Variants in CEP112 observed in about 807,000 individuals in gnomAD.
CEP112 encodes centrosomal protein of 112 kDa.
In CEP112, 127 loss-of-function variants were observed where a neutral mutation model predicts 153.0. The observed-to-expected ratio is 0.83, with a 90% CI of 0.72 to 0.96. CEP112 has a LOEUF of 0.96. CEP112 is among the 40% of genes least tolerant of loss of function. The pLI is 0.00. For missense variants in CEP112, 1,089 were observed against 1,101.2 expected (o/e 0.99, Z 0.16); for synonymous variants, 358 against 374.4 (o/e 0.96, Z 0.51).
chr17:65,702,206 G>A (rs1180785737), intron 23 of CEP112, among the ~76,000 whole-genome samples: 5 of 151,992 alleles, frequency 3.3e-5, no homozygotes, highest in African/African-American at 7.3e-5. Context: ...TCCACTCTAC[G>A]TCCTGATTTC....
chr17:66,043,338 C>T lies in CEP112; in HGVS notation c.1218+10398G>A, dbSNP rs947426795. Among the ~76,000 whole-genome samples, 5 of 152,140 alleles carry T rather than the reference C, an allele frequency of 3.3e-5. 1 individual carries two copies. The highest frequency in any genetic ancestry group is 7.2e-5 in the African/African-American group (3 of 41,442). ...CATTGTTTACCCTCATTAGAAATTACTATCATGCCTACTGCTAGATTTTGA... is the reference window on the plus strand; with the variant it reads ...CATTGTTTACCCTCATTAGAAATTATTATCATGCCTACTGCTAGATTTTGA... On this transcript the variant is annotated intron_variant, in intron 12 of 26. Coordinates refer to ENST00000535342, the MANE Select transcript of CEP112 (RefSeq NM_001199165.4).
At chr17:66,117,829 C>T (rs2069372336) in intron 6 of CEP112, among the ~76,000 whole-genome samples, 1 of 152,032 alleles carries the variant, frequency 6.6e-6, no homozygotes, top group Admixed American at 6.6e-5. Context: ...GGGAAAATCC[C>T]TCATTTTTAA....
At chr17:65,836,169 G>A (rs558269021) in intron 21 of CEP112, among the ~76,000 whole-genome samples, 1 of 152,022 alleles carries the variant, frequency 6.6e-6, no homozygotes, top group Admixed American at 6.6e-5. Context: ...GCATAGAATC[G>A]AAACATACTA....
intron 22 of CEP112, among the ~76,000 whole-genome samples, chr17:65,748,836 G>A (rs1175091181): frequency 6.6e-6 from 1 of 152,032 alleles, no homozygotes; most frequent in Non-Finnish European, 1.5e-5. Context: ...AACTAATCAG[G>A]CTTCTTCATA....
chr17:66,158,071 T>C (rs2071526413), intron 4 of CEP112, among the ~76,000 whole-genome samples: 1 of 152,074 alleles, frequency 6.6e-6, no homozygotes, highest in South Asian at 2.1e-4. Context: ...CCACCCCAAA[T>C]CAACAGAATA....
chr17:66,053,811 A>T lies in CEP112; in HGVS notation c.1143T>A (p.Ile381=). 6.2e-7 allele frequency: 1 copy of T among 1,612,944 alleles called. No homozygotes were observed. Residue 381 remains isoleucine (I), a synonymous_variant, in exon 12 of 27, where the codon ATT becomes ATA. Transcript: ENST00000535342. ...CATTTGTATCCTCAAGCAATTCTTGAATGTTTTCAGTGTGTTGCTTTTGAA... is the reference window on the plus strand; with the variant it reads ...CATTTGTATCCTCAAGCAATTCTTGTATGTTTTCAGTGTGTTGCTTTTGAA... ...FDLQKQHTEN[I]QELLEDTNVR... is the part of the protein sequence containing the mutation.
intron 19 of CEP112, among the ~76,000 whole-genome samples, chr17:65,920,365 ATAT>A (rs1568229780): frequency 4.9e-4 from 16 of 32,820 alleles, no homozygotes; most frequent in African/African-American, 2.6e-3. Flanking sequence ...CAAACAAAAT[ATAT>A]ATATATATAT....
intron 19 of CEP112, among the ~76,000 whole-genome samples, chr17:65,908,150 C>T (rs1163016048): frequency 6.6e-6 from 1 of 152,174 alleles, no homozygotes; most frequent in Non-Finnish European, 1.5e-5. Context: ...GGGAAGGCTT[C>T]AAGTTCCATA....
rs577867681 is a variant in CEP112 at position 65,828,712 on chromosome 17, T to C, written c.2394+23092A>G. ...CTTTTTTGATTTATCAGTATAGTAA[T>C]TTATATTATTAATAATAGTGCTCCT... On this transcript the variant is annotated intron_variant, in intron 21 of 26. Coordinates refer to ENST00000535342, the MANE Select transcript of CEP112 (RefSeq NM_001199165.4). Among the ~76,000 whole-genome samples, 22 of 152,244 alleles carry C rather than the reference T, an allele frequency of 1.4e-4. 1 individual carries two copies. The Middle Eastern group carries it at 0.02, about 141-fold the overall frequency.
chr17:65,963,476 T>A (rs1047642134), intron 17 of CEP112, among the ~76,000 whole-genome samples: 2 of 152,024 alleles, frequency 1.3e-5, no homozygotes, highest in African/African-American at 4.8e-5. Context: ...AACGTACATA[T>A]CATATATCAA....
rs1599040872 is a variant in CEP112 at position 65,927,742 on chromosome 17, A to G, written c.1873-53T>C. On this transcript the variant is annotated intron_variant, in intron 18 of 26. Transcript: ENST00000535342. ...TTTTTTAAACAAACAATTGTGTTCC[A>G]TGTTTTTGTAATTTGTCCATTTGTT... The G allele has an allele frequency of 3.5e-6, 4 of 1,145,928 alleles. No individual in the cohort carries two copies. The East Asian group carries it at 1.1e-4, about 32-fold the overall frequency. The allele number at this position is 1,145,928 out of a possible 1,614,324, so 71.0% of individuals were successfully genotyped here.
At chr17:65,637,810 C>T (rs2044857239) in intron 25 of CEP112, among the ~76,000 whole-genome samples, 1 of 152,194 alleles carries the variant, frequency 6.6e-6, no homozygotes, top group Non-Finnish European at 1.5e-5. Context: ...TTTTACAGGG[C>T]TGGGCATGTA....
intron 6 of CEP112, among the ~76,000 whole-genome samples, chr17:66,106,709 G>C (rs531256954): frequency 6.6e-6 from 1 of 151,686 alleles, no homozygotes; most frequent in East Asian, 1.9e-4. Context: ...GAATTTTATC[G>C]AAAATTTAAA....
At chr17:66,088,232 A>G (rs1479732961) in intron 8 of CEP112, among the ~76,000 whole-genome samples, 1 of 151,570 alleles carries the variant, frequency 6.6e-6, no homozygotes, top group Non-Finnish European at 1.5e-5. Flanking sequence ...GCCAGTACCC[A>G]CAGACTGAGC....
chr17:65,978,542 C>T (rs865939932), intron 17 of CEP112, among the ~76,000 whole-genome samples: 17 of 152,188 alleles, frequency 1.1e-4, no homozygotes, highest in African/African-American at 3.4e-4. Context: ...CAAACAGCCA[C>T]ATAGGATTCT....
chr17:65,901,849 G>T (rs941672412), intron 20 of CEP112, among the ~76,000 whole-genome samples: 1 of 151,626 alleles, frequency 6.6e-6, no homozygotes, highest in Non-Finnish European at 1.5e-5. Flanking sequence ...GTAAGGGGCA[G>T]ATACCTTAAA....
At chr17:65,970,957 T>A (rs182187812) in intron 17 of CEP112, among the ~76,000 whole-genome samples, 1 of 151,198 alleles carries the variant, frequency 6.6e-6, no homozygotes, top group Admixed American at 6.6e-5. Flanking sequence ...TACATACCTA[T>A]TACATGTTGG....
chr17:65,700,614 G>A (rs1029257247), intron 23 of CEP112, among the ~76,000 whole-genome samples: 6 of 152,118 alleles, frequency 3.9e-5, no homozygotes, highest in South Asian at 2.1e-4. Context: ...CATGGGTTGC[G>A]GCTCAAACTT....
chr17:65,931,335 A>G (rs1350045421), intron 18 of CEP112, among the ~76,000 whole-genome samples: 2 of 152,222 alleles, frequency 1.3e-5, no homozygotes, highest in Non-Finnish European at 2.9e-5. Context: ...CAAAAGTCAC[A>G]TTACAAAAAT....
Sources: allele counts gnomAD v4.1 joint callset (sites outside exome capture counted in the v4.1 genomes callset), GRCh38; gene constraint gnomAD v4.1.1; transcripts MANE v1.5; gene names NCBI Gene and HGNC (gene_info 2026-07-23, HGNC 2026-07-21).